IRAK2: variants seen among roughly 807,000 people sequenced by gnomAD.
The protein encoded by IRAK2 is interleukin 1 receptor associated kinase 2, also known as interleukin-1 receptor-associated kinase-like 2.
In IRAK2, 57 loss-of-function variants were observed where a neutral mutation model predicts 72.0. The observed-to-expected ratio is 0.79, with a 90% CI of 0.64 to 0.99. The LOEUF (loss-of-function observed/expected upper bound fraction) is 0.99, where lower values mean the gene tolerates loss of function less well. IRAK2 is among the 50% of genes least tolerant of loss of function. The probability of loss-of-function intolerance (pLI) is 0.00; values close to 1 mark genes in which losing one functional copy is unlikely to be tolerated. For synonymous variants in IRAK2, 293 were observed against 312.7 expected, an observed-to-expected ratio of 0.94 and a Z score of 0.67; for missense variants, 790 against 794.4, an observed-to-expected ratio of 0.99 and a Z score of 0.07.
intron 9 of IRAK2, among the ~76,000 whole-genome samples, chr3:10,224,337 A>T (rs1575984833): frequency 3.6e-5 from 3 of 84,282 alleles, no homozygotes; most frequent in Non-Finnish European, 2.1e-5. Context: ...ATTCTGTCTC[A>T]AAAAAAAAAA....
At chr3:10,165,869 T>C (rs914981985) in intron 1 of IRAK2, among the ~76,000 whole-genome samples, 1 of 152,066 alleles carries the variant, frequency 6.6e-6, no homozygotes, top group East Asian at 1.9e-4. Context: ...TAGCTGGGAC[T>C]ACAGGCGCCC....
At chr3:10,215,412 AAATT>A (rs1187979618) in intron 6 of IRAK2, among the ~76,000 whole-genome samples, 1,961 of 144,308 alleles carry the variant, frequency 0.014, 65 homozygotes, top group African/African-American at 0.019. Context: ...AAAAAAAAAA[AAATT>A]AATTAATTAA....
rs75280960 is a variant in IRAK2 at position 10,209,373 on chromosome 3, G to A, written c.425-216G>A. On this transcript the variant is annotated intron_variant, in intron 3 of 12. Transcript: ENST00000256458. ...CTCCGTGTCTCCACTTGCCAACTGGGATGATAAACAGGCCCCAGGTTGTAG... is the reference window on the plus strand; with the variant it reads ...CTCCGTGTCTCCACTTGCCAACTGGAATGATAAACAGGCCCCAGGTTGTAG... Among the ~76,000 whole-genome samples, 191 of 152,308 alleles carry A rather than the reference G, an allele frequency of 1.3e-3. 1 individual carries two copies. The highest frequency in any genetic ancestry group is 0.01 in the Middle Eastern group (3 of 294).
chr3:10,187,236 C>T (rs1349245592), intron 2 of IRAK2, among the ~76,000 whole-genome samples: 2 of 147,724 alleles, frequency 1.4e-5, no homozygotes, highest in African/African-American at 5.4e-5. Context: ...GGCAATGTCT[C>T]CCGATGCCCC....
intron 12 of IRAK2, among the ~76,000 whole-genome samples, chr3:10,239,602 C>T (rs986201964): frequency 6.6e-6 from 1 of 152,086 alleles, no homozygotes; most frequent in Non-Finnish European, 1.5e-5. Flanking sequence ...TGGCGCGTGC[C>T]TGTAATCCCA....
chr3:10,184,723 G>GTTTTTTTTT (rs55839723), intron 2 of IRAK2, among the ~76,000 whole-genome samples: 1 of 102,024 alleles, frequency 9.8e-6, no homozygotes, highest in African/African-American at 3.9e-5. Flanking sequence ...GTTTTTGTGT[G>GTTTTTTTTT]TTTTTTTTTT....
intron 1 of IRAK2, among the ~76,000 whole-genome samples, chr3:10,168,258 T>C (rs28514923): frequency 0.03 from 4,547 of 151,180 alleles, 217 homozygotes; most frequent in African/African-American, 0.11. Flanking sequence ...TCGCTGAGGC[T>C]GGAGTGCAGT....
intron 1 of IRAK2, among the ~76,000 whole-genome samples, chr3:10,174,289 C>T (rs1696839956): frequency 6.6e-6 from 1 of 152,118 alleles, no homozygotes; most frequent in African/African-American, 2.4e-5. Context: ...TGGAGGCTTT[C>T]TGTGTGCAGG....
At chr3:10,178,216 C>T (rs1290984282) in intron 2 of IRAK2, among the ~76,000 whole-genome samples, 196 bp downstream of exon 2, 3 of 152,056 alleles carry the variant, frequency 2.0e-5, no homozygotes, top group Non-Finnish European at 2.9e-5. Flanking sequence ...CCAGCACTTC[C>T]GGAGGCTGAG....
chr3:10,165,971 GC>G (rs1163417980), intron 1 of IRAK2, among the ~76,000 whole-genome samples: 1 of 151,818 alleles, frequency 6.6e-6, no homozygotes, highest in Non-Finnish European at 1.5e-5. Flanking sequence ...CTTGTGATCC[GC>G]CCACCCTGGG....
intron 11 of IRAK2, among the ~76,000 whole-genome samples, chr3:10,236,787 G>A (rs1395329674): frequency 6.6e-6 from 1 of 152,120 alleles, no homozygotes; most frequent in Non-Finnish European, 1.5e-5. Context: ...GTCACTTAAG[G>A]TGCAGGTGAA....
At chr3:10,235,944 G>A (rs1439802086) in intron 11 of IRAK2, among the ~76,000 whole-genome samples, 2 of 152,150 alleles carry the variant, frequency 1.3e-5, no homozygotes, top group Non-Finnish European at 2.9e-5. Flanking sequence ...GTGCCCCGAT[G>A]TTCAGTCATT....
chr3:10,164,985 T>A lies in IRAK2; in HGVS notation c.31T>A (p.Trp11Arg). 3 of 1,611,542 alleles carry A rather than the reference T, an allele frequency of 1.9e-6. No homozygotes were observed. The highest frequency in any genetic ancestry group is 2.5e-6 in the Non-Finnish European group (3 of 1,179,508). The change falls in exon 1 of 13, where the codon TGG (tryptophan) becomes AGG (arginine). Residue 11 changes from tryptophan (W) to arginine (R), a missense_variant. Trp to Arg is a moderately radical substitution (Grantham distance 101, BLOSUM62 -3). Coordinates refer to ENST00000256458, the MANE Select transcript of IRAK2 (RefSeq NM_001570.4). ...CTGCTACATCTACCAGCTGCCCTCCTGGGTGCTGGACGACCTGTGCCGCAA... is the reference window on the plus strand; with the variant it reads ...CTGCTACATCTACCAGCTGCCCTCCAGGGTGCTGGACGACCTGTGCCGCAA... The part of the protein sequence containing the change: MACYIYQLPS[W>R]VLDDLCRNMD...
intron 9 of IRAK2, among the ~76,000 whole-genome samples, chr3:10,224,725 T>TGTACCCACCCTCCCACCAACCCACCC (rs1697746204): frequency 5.9e-4 from 1 of 1,698 alleles, no homozygotes; most frequent in Non-Finnish European, 1.3e-3. Context: ...CCCACCCACA[T>TGTACCCACCCTCCCACCAACCCACCC]ACCCATCCAT....
In IRAK2 at chr3:10,209,617, G is replaced by A. The variant is rs775805152; in HGVS notation, c.453G>A (p.Pro151=). 65 of 1,566,118 alleles carry A rather than the reference G, an allele frequency of 4.2e-5. No homozygotes were observed. In the South Asian group the frequency reaches 6.0e-4, roughly 15 times the overall value. ...PGSSPARAHQ[P]AFLQPPEEDA... is the part of the protein sequence containing the mutation. ...CCTCTCCAGCCAGAGCCCACCAGCC[G>A]GCCTTTCTCCAGCCTCCTGAAGAAG... The change falls in exon 4 of 13, where the codon CCG becomes CCA. Residue 151 remains proline (P), a synonymous_variant. Transcript: ENST00000256458.
intron 10 of IRAK2, among the ~76,000 whole-genome samples, chr3:10,228,632 CTCTTAT>C (rs1697815677): frequency 6.6e-6 from 1 of 152,120 alleles, no homozygotes; most frequent in African/African-American, 2.4e-5. Flanking sequence ...TAGTTTCTTT[CTCTTAT>C]TCTAGACTCT....
At chr3:10,199,141 T>G (rs1014851863) in intron 2 of IRAK2, among the ~76,000 whole-genome samples, 5 of 151,928 alleles carry the variant, frequency 3.3e-5, no homozygotes, top group Admixed American at 2.0e-4. Context: ...CTGCCTGAGC[T>G]GGCGGCAGGG....
At chr3:10,193,185 G>T (rs1300410199) in intron 2 of IRAK2, among the ~76,000 whole-genome samples, 1 of 152,174 alleles carries the variant, frequency 6.6e-6, no homozygotes, top group Admixed American at 6.6e-5. Context: ...CTGGCAACCA[G>T]CTCTGGTGAA....
chr3:10,167,768 T>C (rs1696720548), intron 1 of IRAK2, among the ~76,000 whole-genome samples: 1 of 152,148 alleles, frequency 6.6e-6, no homozygotes, highest in East Asian at 1.9e-4. Context: ...CTACATTTCA[T>C]TCATTTATCA....
Sources: allele counts gnomAD v4.1 joint callset (sites outside exome capture counted in the v4.1 genomes callset), GRCh38; gene constraint gnomAD v4.1.1; transcripts MANE v1.5; gene names NCBI Gene and HGNC (gene_info 2026-07-23, HGNC 2026-07-21).